Variants in CALB1 observed in about 807,000 individuals in gnomAD.
CALB1 encodes the protein calbindin.
In CALB1, 16 loss-of-function variants were observed where a neutral mutation model predicts 46.7. The observed-to-expected ratio is 0.34, with a 90% CI of 0.23 to 0.52. The LOEUF is 0.52. Ranked by LOEUF, CALB1 falls within the 20% of genes least tolerant of loss-of-function variation. The pLI is 0.95. For synonymous variants in CALB1, 90 were observed against 112.8 expected, an observed-to-expected ratio of 0.80 and a Z score of 1.28; for missense variants, 224 against 300.3, an observed-to-expected ratio of 0.75 and a Z score of 1.88.
chr8:90,077,358 A>G (rs1316382359), intron 3 of CALB1, among the ~76,000 whole-genome samples: 2 of 152,038 alleles, frequency 1.3e-5, no homozygotes, highest in Admixed American at 6.6e-5. Context: ...TGGCATCACA[A>G]GTGTCCTATA....
intron 5 of CALB1, 85 bp from the exon 6 acceptor site, chr8:90,066,060 C>A (rs1814390569): frequency 3.5e-6 from 3 of 864,160 alleles, no homozygotes; most frequent in African/African-American, 1.7e-5. Flanking sequence ...ACAGGACATA[C>A]CAGGAATGCA....
At chr8:90,069,306 C>A (rs765452735) in intron 3 of CALB1, 69 bp from the exon 4 acceptor site, 2 of 1,196,232 alleles carry the variant, frequency 1.7e-6, no homozygotes, top group Non-Finnish European at 2.5e-6. Context: ...CCATTACCTG[C>A]TGCTTAGTTT....
intron 3 of CALB1, among the ~76,000 whole-genome samples, chr8:90,071,206 C>T (rs762016298): frequency 5.3e-5 from 8 of 152,074 alleles, no homozygotes; most frequent in Non-Finnish European, 1.2e-4. Flanking sequence ...GATTTTTACA[C>T]GTGACAATGA....
rs1805896 is a variant in CALB1 at position 90,059,014 on chromosome 8, A to G, written c.*1159T>C. On this transcript the variant is annotated 3_prime_UTR_variant, in exon 11 of 11. Transcript: ENST00000265431. ...CTACAAATATGTGAAACTGACTTAGATGTATGTTAAAGAATGTTTTAGAAT... is the reference window on the plus strand; with the variant it reads ...CTACAAATATGTGAAACTGACTTAGGTGTATGTTAAAGAATGTTTTAGAAT... The G allele has an allele frequency of 1.9e-3, 295 of 152,318 alleles. 1 individual carries two copies. The highest frequency in any genetic ancestry group is 5.9e-3 in the African/African-American group (247 of 41,574). 9.4% of individuals were successfully genotyped at this position (152,318 alleles called of 1,614,324 possible). A position where few individuals can be genotyped will look rare whatever the true frequency, so the allele number is the denominator to read the frequency against.
At position 90,071,450 on chromosome 8, in the gene CALB1, G is replaced by A. The variant is rs567362415; in HGVS notation, c.232-2213C>T. 6.6e-5 allele frequency among the ~76,000 whole-genome samples: 10 copies of A among 152,138 alleles called. No homozygotes were observed. The East Asian group carries it at 1.2e-3, about 18-fold the overall frequency. ...AGGGAGAATGGCAGTGGGTGGGCTC[G>A]GCATGGAGAGGGGCTCTGGAGGACG... On this transcript the variant is annotated intron_variant, in intron 3 of 10. Coordinates refer to ENST00000265431, the MANE Select transcript of CALB1 (RefSeq NM_004929.4).
chr8:90,063,996 A>G (rs1814346138), intron 6 of CALB1: 1 of 152,008 alleles, frequency 6.6e-6, no homozygotes, highest in African/African-American at 2.4e-5. Context: ...GTCATTCACA[A>G]AGACACATCC....
chr8:90,063,445 G>A lies in CALB1; in HGVS notation c.467C>T (p.Ser156Leu). 6.2e-7 allele frequency: 1 copy of A among 1,610,496 alleles called. No individual in the cohort carries two copies. The highest frequency in any genetic ancestry group is 1.1e-5 in the South Asian group (1 of 90,840). Residue 156 changes from serine to leucine, a missense_variant, in exon 7 of 11, where the codon TCA becomes TTA. Coordinates refer to ENST00000265431, the MANE Select transcript of CALB1 (RefSeq NM_004929.4). ...YTDLMLKLFD[S>L]NNDGKLELTE... ...TAATTCCAGCTTCCCATCATTATTT[G>A]AATCAAATAGTTTCAGCTGAAAGAC...
chr8:90,078,830 C>G (rs1050402877), intron 2 of CALB1, among the ~76,000 whole-genome samples: 1 of 151,922 alleles, frequency 6.6e-6, no homozygotes, highest in Non-Finnish European at 1.5e-5. Context: ...GCTACACTAT[C>G]TTGTCTTACA....
rs1283668293 is a variant in CALB1 at position 90,065,383 on chromosome 8, AAACCCC to A, written c.450+509_450+514del. ...TTTCCTCATTCAAAGCACCAATACA[AAACCCC>A]AAAACAACAAAAATCAAAAGAAAGA... On this transcript the variant is annotated intron_variant, in intron 6 of 10. Coordinates refer to ENST00000265431, the MANE Select transcript of CALB1 (RefSeq NM_004929.4). 5.3e-5 allele frequency among the ~76,000 whole-genome samples: 8 copies of A among 151,844 alleles called. No individual in the cohort carries two copies. The South Asian group carries it at 1.7e-3, about 32-fold the overall frequency.
rs28577937 is a variant in CALB1, at chr8:90,073,115, T to A, written c.232-3878A>T. On this transcript the variant is annotated intron_variant, in intron 3 of 10. Transcript: ENST00000265431. ...CAGAAACTGCACAAATTTTAGTAAA[T>A]ATTTTATTGAAGCAATATATAAAGG... Among the ~76,000 whole-genome samples, 223 of 152,340 alleles carry A rather than the reference T, an allele frequency of 1.5e-3. 2 individuals are homozygous for A. Among genetic ancestry groups the A allele is most frequent in the African/African-American group, 5.1e-3 (214 of 41,574 alleles).
intron 2 of CALB1, among the ~76,000 whole-genome samples, chr8:90,080,202 CTAA>C (rs1245459835): frequency 1.3e-5 from 2 of 151,698 alleles, no homozygotes; most frequent in African/African-American, 4.8e-5. Context: ...ACATTATAGT[CTAA>C]TAATTGGAGC....
In CALB1 at chr8:90,082,785, C is replaced by G; in HGVS notation, c.-88G>C. On this transcript the variant is annotated 5_prime_UTR_variant, in exon 1 of 11. Coordinates refer to ENST00000265431, the MANE Select transcript of CALB1 (RefSeq NM_004929.4). ...AGTGAGCAAAAGCTCAGCGTGTGCG[C>G]GAGTCAGGGCTGCGGAGGGAGACCT... 2 of 1,299,524 alleles carry G rather than the reference C, an allele frequency of 1.5e-6. No individual in the cohort carries two copies. The highest frequency in any genetic ancestry group is 1.7e-5 in the Admixed American group (1 of 59,310). 80.5% of individuals were successfully genotyped at this position (1,299,524 alleles called of 1,614,324 possible).
intron 6 of CALB1, among the ~76,000 whole-genome samples, chr8:90,064,897 T>A (rs1331612074): frequency 1.3e-5 from 2 of 151,784 alleles, no homozygotes; most frequent in Non-Finnish European, 3.0e-5. Flanking sequence ...CCAACCCAGA[T>A]AAAAGTAAGC....
intron 6 of CALB1, among the ~76,000 whole-genome samples, chr8:90,064,881 C>T (rs1192415420): frequency 2.0e-5 from 3 of 151,762 alleles, no homozygotes; most frequent in Non-Finnish European, 4.4e-5. Flanking sequence ...TAGTAGTTCC[C>T]CCTCCCCAAC....
At position 90,078,453 on chromosome 8, in the gene CALB1, A is replaced by G; in HGVS notation, c.157-6T>C. On this transcript the variant is annotated splice_polypyrimidine_tract_variant and splice_region_variant and intron_variant, in intron 2 of 10. Transcript: ENST00000265431. ...TTCATTTCAGGTGATAACTCCTAAAATTATATAAAAGCAGGTAGGAGGTTT... is the reference window on the plus strand; with the variant it reads ...TTCATTTCAGGTGATAACTCCTAAAGTTATATAAAAGCAGGTAGGAGGTTT... The G allele has an allele frequency of 3.4e-6, 5 of 1,489,624 alleles. No individual in the cohort carries two copies. The highest frequency in any genetic ancestry group is 1.2e-5 in the South Asian group (1 of 84,310). 92.3% of individuals were successfully genotyped at this position (1,489,624 alleles called of 1,614,324 possible). A position where few individuals can be genotyped will look rare whatever the true frequency, so the allele number is the denominator to read the frequency against.
intron 3 of CALB1, among the ~76,000 whole-genome samples, chr8:90,078,120 C>G (rs906813581): frequency 6.6e-6 from 1 of 151,978 alleles, no homozygotes; most frequent in African/African-American, 2.4e-5. Context: ...TGACCAGAGG[C>G]AAACAATTTT....
chr8:90,070,979 G>T (rs1814505137), intron 3 of CALB1, among the ~76,000 whole-genome samples: 1 of 151,846 alleles, frequency 6.6e-6, no homozygotes, highest in African/African-American at 2.4e-5. Context: ...CTATACCTCA[G>T]AAATAACATA....
chr8:90,069,713 A>G (rs1275634785), intron 3 of CALB1, among the ~76,000 whole-genome samples: 1 of 152,202 alleles, frequency 6.6e-6, no homozygotes, highest in African/African-American at 2.4e-5. Context: ...GGGAAAATGT[A>G]TTCCCAAGCC....
chr8:90,080,977 C>T (rs537263439), intron 2 of CALB1, among the ~76,000 whole-genome samples: 5 of 152,042 alleles, frequency 3.3e-5, no homozygotes, highest in Non-Finnish European at 5.9e-5. Context: ...AGACCATTAA[C>T]GTGTAACTCA....
Sources: allele counts gnomAD v4.1 joint callset (sites outside exome capture counted in the v4.1 genomes callset), GRCh38; gene constraint gnomAD v4.1.1; transcripts MANE v1.5; gene names NCBI Gene and HGNC (gene_info 2026-07-23, HGNC 2026-07-21).